The following EPS8L1 variants were observed in gnomAD, a reference collection of about 807,000 sequenced individuals.
The protein encoded by EPS8L1 is epidermal growth factor receptor kinase substrate 8-like protein 1.
A neutral mutation model predicts 91.7 loss-of-function variants in EPS8L1; 101 were observed. The ratio of observed to expected loss-of-function variants is 1.10; its 90% CI spans 0.94 to 1.30. EPS8L1 has a LOEUF of 1.30. Among genes scored for constraint, EPS8L1 ranks in the 50% most tolerant of loss-of-function variants. The pLI is 0.00. For missense variants in EPS8L1, 1,114 were observed against 1,017.0 expected (o/e 1.10, Z -1.30); for synonymous variants, 506 against 445.3 (o/e 1.14, Z -1.72).
Position 55,080,819 on chromosome 19 carries a change from C to A in EPS8L1, c.477C>A (p.Arg159=), listed in dbSNP as rs779497481. ...EDIQGALHNY[R]SGRGERRAAA... ...TCCAGGGGGCTCTGCACAATTACCG[C>A]TCGGGCCGCGGGGAGCGCAGGGCGG... The change falls in exon 7 of 20, where the codon CGC becomes CGA. Residue 159 remains arginine, a synonymous_variant. Transcript: ENST00000201647. The A allele has an allele frequency of 6.2e-7, 1 of 1,611,688 alleles. No homozygotes were observed. Among genetic ancestry groups the A allele is most frequent in the Non-Finnish European group, 8.5e-7 (1 of 1,178,898 alleles).
chr19:55,079,934 C>T (rs914843446), intron 5 of EPS8L1, 83 bp downstream of exon 5: 9 of 1,487,084 alleles, frequency 6.1e-6, no homozygotes, highest in Non-Finnish European at 8.1e-6. Flanking sequence ...TCCTGCACGT[C>T]CTTCCTCTGG....
chr19:55,081,655 C>T lies in EPS8L1; in HGVS notation c.775-118C>T, dbSNP rs2076265050. ...GGCGGGGCTTGGTTGTGGGGCGTGGCCAGGTGTTTGGGGCGTGGCCTGATC... is the reference window on the plus strand; with the variant it reads ...GGCGGGGCTTGGTTGTGGGGCGTGGTCAGGTGTTTGGGGCGTGGCCTGATC... On this transcript the variant is annotated intron_variant, in intron 8 of 19. Transcript: ENST00000201647. This position sits in a 1 kb window ranked among gnomAD's most constrained non-coding sequence, Gnocchi z 4.9. The T allele has an allele frequency of 1.4e-6, 2 of 1,471,152 alleles. No homozygotes were observed. The highest frequency in any genetic ancestry group is 1.8e-6 in the Non-Finnish European group (2 of 1,103,324). 91.1% of individuals were successfully genotyped at this position (1,471,152 alleles called of 1,614,324 possible). A position where few individuals can be genotyped will look rare whatever the true frequency, so the allele number is the denominator to read the frequency against.
chr19:55,083,318 G>T lies in EPS8L1; in HGVS notation c.1215-60G>T, dbSNP rs2076309831. On this transcript the variant is annotated intron_variant, in intron 12 of 19. Coordinates refer to ENST00000201647, the MANE Select transcript of EPS8L1 (RefSeq NM_133180.3). The surrounding 1 kb of genome is among the most constrained non-coding windows in gnomAD (Gnocchi z 4.7). Reference sequence around the variant, plus strand: ...GGGAAAACTTAGTGAAGTTAATGCAGGAACGAAGTTGGGGGCTGTATCAGG... The same window carrying T: ...GGGAAAACTTAGTGAAGTTAATGCATGAACGAAGTTGGGGGCTGTATCAGG... The T allele has an allele frequency of 6.3e-7, 1 of 1,579,854 alleles. No individual in the cohort carries two copies. Among genetic ancestry groups the T allele is most frequent in the African/African-American group, 1.4e-5 (1 of 73,632 alleles).
Position 55,082,284 on chromosome 19 carries a change from C to A in EPS8L1, c.1000C>A (p.Arg334Ser). The A allele has an allele frequency of 6.2e-7, 1 of 1,611,992 alleles. No homozygotes were observed. The highest frequency in any genetic ancestry group is 8.5e-7 in the Non-Finnish European group (1 of 1,179,538). ...KYAFSLLARL[R>S]GNIADPSSPE... ...CCTCCCCACGCCCCAGGCCCGGCTG[C>A]GCGGCAACATCGCCGACCCCTCCTC... The change falls in exon 11 of 20, where the codon CGC becomes AGC. Residue 334 changes from arginine to serine, a missense_variant. Transcript: ENST00000201647.
chr19:55,079,722 T>C lies in EPS8L1; in HGVS notation c.150T>C (p.Asp50=). Residue 50 remains aspartate (D), a synonymous_variant, in exon 5 of 20, where the codon GAT becomes GAC. Coordinates refer to ENST00000201647, the MANE Select transcript of EPS8L1 (RefSeq NM_133180.3). ...HLVTFCLGED[D]GVHTVEDASR... ...TGACGTTCTGCCTGGGTGAGGACGA[T>C]GGCGTGCATACCGTGGAGGATGCCT... 2 of 1,614,176 alleles carry C rather than the reference T, an allele frequency of 1.2e-6. No homozygotes were observed. The highest frequency in any genetic ancestry group is 1.7e-6 in the Non-Finnish European group (2 of 1,180,014).
In EPS8L1 at chr19:55,083,743, T is replaced by C. The variant is rs1363436180; in HGVS notation, c.1385+99T>C. ...GCCCCCTTTTTTTCTGTGTTTTTCC[T>C]TCTGTCTTCCTGGCTCTTCTCAGGT... is the stretch of plus-strand genomic sequence containing the variant. On this transcript the variant is annotated intron_variant, in intron 14 of 19. Transcript: ENST00000201647. This position sits in a 1 kb window ranked among gnomAD's most constrained non-coding sequence, Gnocchi z 4.7. 1 of 1,516,052 alleles carries C rather than the reference T, an allele frequency of 6.6e-7. No homozygotes were observed. Among genetic ancestry groups the C allele is most frequent in the South Asian group, 1.2e-5 (1 of 83,474 alleles). 93.9% of individuals were successfully genotyped at this position (1,516,052 alleles called of 1,614,324 possible). A position where few individuals can be genotyped will look rare whatever the true frequency, so the allele number is the denominator to read the frequency against.
Position 55,082,532 on chromosome 19 carries a change from C to G in EPS8L1, c.1144C>G (p.Leu382Val). ...PHLTSDAVAL[L>V]RDNVTPRENE... ...TCTGACATCGGATGCCGTGGCGCTG[C>G]TGCGGGACAACGTCACTCCACGTGA... The change falls in exon 12 of 20, where the codon CTG (leucine) becomes GTG (valine). Residue 382 changes from leucine (L) to valine (V), a missense_variant. Leu to Val is a conservative substitution (Grantham distance 32). Transcript: ENST00000201647. The G allele has an allele frequency of 3.7e-6, 6 of 1,610,628 alleles. No homozygotes were observed. The highest frequency in any genetic ancestry group is 5.1e-6 in the Non-Finnish European group (6 of 1,179,012).
intron 17 of EPS8L1, 78 bp from the exon 18 acceptor site, chr19:55,086,636 C>CCCCCCCCCCCCCCCCCCCTGGCCCCCCGG: frequency 1.0e-6 from 1 of 956,962 alleles, no homozygotes; most frequent in Non-Finnish European, 1.4e-6. Context: ...CGCTGGAGCG[C>CCCCCCCCCCCCCCCCCCCTGGCCCCCCGG]CCCCCCGCCC....
intron 17 of EPS8L1, 54 bp from the exon 18 acceptor site, chr19:55,086,660 C>A: frequency 1.3e-6 from 2 of 1,566,354 alleles, no homozygotes; most frequent in Non-Finnish European, 1.7e-6. Context: ...CCTCTGGCCC[C>A]AGGACCCCTC....
At chr19:55,076,526 C>T in intron 2 of EPS8L1, 65 bp downstream of exon 2, 1 of 1,570,470 alleles carries the variant, frequency 6.4e-7, no homozygotes, top group Non-Finnish European at 8.7e-7. Context: ...GCCTCCTCAC[C>T]CACACCCGCT....
chr19:55,078,160 T>G (rs750254046), intron 3 of EPS8L1, 32 bp downstream of exon 3: 33 of 1,609,490 alleles, frequency 2.1e-5, no homozygotes, highest in Non-Finnish European at 2.8e-5. Flanking sequence ...CCCAGGCCCA[T>G]AGAACTGGGT....
chr19:55,083,778 G>A lies in EPS8L1; in HGVS notation c.1385+134G>A, dbSNP rs1282387642. ...CTGGCTCTTCTCAGGTGGGTGAGATGGTGATGGGGCGGGCCGGGGCTGGGA... is the reference window on the plus strand; with the variant it reads ...CTGGCTCTTCTCAGGTGGGTGAGATAGTGATGGGGCGGGCCGGGGCTGGGA... On this transcript the variant is annotated intron_variant, in intron 14 of 19. Transcript: ENST00000201647. This position sits in a 1 kb window ranked among gnomAD's most constrained non-coding sequence, Gnocchi z 4.7. The A allele has an allele frequency of 4.2e-6, 5 of 1,194,186 alleles. No homozygotes were observed. Among genetic ancestry groups the A allele is most frequent in the African/African-American group, 1.5e-5 (1 of 66,274 alleles). 74.0% of individuals were successfully genotyped at this position (1,194,186 alleles called of 1,614,324 possible).
rs2076305476 is a variant in EPS8L1, at chr19:55,083,082, G to A, written c.1215-296G>A. Among the ~76,000 whole-genome samples the A allele has an allele frequency of 6.6e-6, 1 of 152,170 alleles. No individual in the cohort carries two copies. Among genetic ancestry groups the A allele is most frequent in the South Asian group, 2.1e-4 (1 of 4,830 alleles). Reference sequence around the variant, plus strand: ...CAATTTTTTTCCAGAGAGAGAGATGGATGGGGTCTCAATATTTTGCCCAGG... The same window carrying A: ...CAATTTTTTTCCAGAGAGAGAGATGAATGGGGTCTCAATATTTTGCCCAGG... On this transcript the variant is annotated intron_variant, in intron 12 of 19. Transcript: ENST00000201647. The surrounding 1 kb of genome is among the most constrained non-coding windows in gnomAD (Gnocchi z 4.7).
chr19:55,081,133 A>G lies in EPS8L1; in HGVS notation c.513-98A>G. On this transcript the variant is annotated intron_variant, in intron 7 of 19. Coordinates refer to ENST00000201647, the MANE Select transcript of EPS8L1 (RefSeq NM_133180.3). The surrounding 1 kb of genome is among the most constrained non-coding windows in gnomAD (Gnocchi z 4.9). ...TCGTTGAACTTGTTCACTCCCTTTG[A>G]GCCTTTTGAGCCTGTGTGTCTCGTT... 13 of 1,370,774 alleles carry G rather than the reference A, an allele frequency of 9.5e-6. No homozygotes were observed. Among genetic ancestry groups the G allele is most frequent in the Non-Finnish European group, 1.2e-5 (13 of 1,043,384 alleles). The allele number at this position is 1,370,774 out of a possible 1,614,324, so 84.9% of individuals were successfully genotyped here.
At chr19:55,080,985 T>G in intron 7 of EPS8L1, 131 bp downstream of exon 7, 1 of 964,404 alleles carries the variant, frequency 1.0e-6, no homozygotes, top group Non-Finnish European at 1.5e-6. Context: ...GAGTCTTGTC[T>G]GTACCTCCCA....
At position 55,083,737 on chromosome 19, in the gene EPS8L1, T is replaced by C; in HGVS notation, c.1385+93T>C. On this transcript the variant is annotated intron_variant, in intron 14 of 19. Transcript: ENST00000201647. This position sits in a 1 kb window ranked among gnomAD's most constrained non-coding sequence, Gnocchi z 4.7. ...GACTCCGCCCCCTTTTTTTCTGTGTTTTTCCTTCTGTCTTCCTGGCTCTTC... is the reference window on the plus strand; with the variant it reads ...GACTCCGCCCCCTTTTTTTCTGTGTCTTTCCTTCTGTCTTCCTGGCTCTTC... The C allele has an allele frequency of 6.5e-7, 1 of 1,528,382 alleles. No homozygotes were observed. The highest frequency in any genetic ancestry group is 2.4e-5 in the East Asian group (1 of 40,970). The allele number at this position is 1,528,382 out of a possible 1,614,324, so 94.7% of individuals were successfully genotyped here. A position where few individuals can be genotyped will look rare whatever the true frequency, so the allele number is the denominator to read the frequency against.
At chr19:55,076,096 G>GTTGAGGGCCTGGATTCCTGGGT (rs1568769749) in intron 1 of EPS8L1, among the ~76,000 whole-genome samples, 177 bp downstream of exon 1, 1 of 115,802 alleles carries the variant, frequency 8.6e-6, no homozygotes. Context: ...GGGAGGAGGG[G>GTTGAGGGCCTGGATTCCTGGGT]CTGAGGGCCT....
At chr19:55,086,659 C>A in intron 17 of EPS8L1, 55 bp from the exon 18 acceptor site, 2 of 1,529,068 alleles carry the variant, frequency 1.3e-6, no homozygotes, top group East Asian at 2.4e-5. Flanking sequence ...CCCTCTGGCC[C>A]CAGGACCCCT....
At position 55,083,747 on chromosome 19, in the gene EPS8L1, G is replaced by T; in HGVS notation, c.1385+103G>T. On this transcript the variant is annotated intron_variant, in intron 14 of 19. Coordinates refer to ENST00000201647, the MANE Select transcript of EPS8L1 (RefSeq NM_133180.3). This position sits in a 1 kb window ranked among gnomAD's most constrained non-coding sequence, Gnocchi z 4.7. Reference sequence around the variant, plus strand: ...CCTTTTTTTCTGTGTTTTTCCTTCTGTCTTCCTGGCTCTTCTCAGGTGGGT... The same window carrying T: ...CCTTTTTTTCTGTGTTTTTCCTTCTTTCTTCCTGGCTCTTCTCAGGTGGGT... The T allele has an allele frequency of 7.3e-7, 1 of 1,369,038 alleles. No individual in the cohort carries two copies. The allele number at this position is 1,369,038 out of a possible 1,614,324, so 84.8% of individuals were successfully genotyped here.
Sources: gnomAD v4.1 joint callset for allele counts (sites outside exome capture counted in the v4.1 genomes callset) on GRCh38, gnomAD v4.1.1 for gene constraint, Gnocchi (gnomAD v3.1) non-coding constraint, MANE v1.5 for transcripts, NCBI Gene and HGNC (gene_info 2026-07-23, HGNC 2026-07-21) for gene names.